Variants in PRXL2A observed in about 807,000 individuals in gnomAD.
PRXL2A encodes the protein peroxiredoxin like 2A, also known as peroxiredoxin-like 2A.
PRXL2A carries 26 observed loss-of-function variants against 25.6 expected under a neutral mutation model. That is an observed-to-expected ratio of 1.02 (90% CI 0.74 to 1.41). PRXL2A has a LOEUF of 1.41. Among genes scored for constraint, PRXL2A ranks in the 40% most tolerant of loss-of-function variants. The probability of loss-of-function intolerance (pLI) is 0.00; values close to 1 mark genes in which losing one functional copy is unlikely to be tolerated. For missense variants in PRXL2A, 246 were observed against 273.9 expected (o/e 0.90, Z 0.72); for synonymous variants, 98 against 102.9 (o/e 0.95, Z 0.29).
intron 3 of PRXL2A, among the ~76,000 whole-genome samples, chr10:80,424,405 CAAAAAAAAAAAAAA>C (rs33941883): frequency 4.0e-5 from 3 of 75,076 alleles, no homozygotes; most frequent in East Asian, 8.9e-4. Context: ...CCTGTCTCTA[CAAAAAAAAAAAAAA>C]AAAAAAAAAA....
chr10:80,420,778 A>G (rs949359100), intron 2 of PRXL2A, 133 bp downstream of exon 2: 45 of 645,190 alleles, frequency 7.0e-5, no homozygotes, highest in Non-Finnish European at 9.6e-5. Flanking sequence ...TTTAATAACA[A>G]TTTTTAAACT....
At chr10:80,408,422 G>A (rs1269907513), upstream of PRXL2A, 1 of 152,210 alleles carries the variant, frequency 6.6e-6, no homozygotes, top group African/African-American at 2.4e-5. Flanking sequence ...GGAGCTAGGA[G>A]ACCGCGGCCC....
chr10:80,429,546 C>G (rs978015027), intron 5 of PRXL2A, among the ~76,000 whole-genome samples: 2 of 143,096 alleles, frequency 1.4e-5, no homozygotes, highest in African/African-American at 5.2e-5. Flanking sequence ...CCCTGCCCCG[C>G]CCCGCCCCTA....
intron 5 of PRXL2A, 23 bp downstream of exon 5, chr10:80,427,519 T>C: frequency 6.2e-7 from 1 of 1,613,346 alleles, no homozygotes; most frequent in South Asian, 1.1e-5. Flanking sequence ...TGTTTACTTG[T>C]GGTCTGTAGG....
At chr10:80,421,985 A>G (rs1187245322) in intron 2 of PRXL2A, among the ~76,000 whole-genome samples, 1 of 152,184 alleles carries the variant, frequency 6.6e-6, no homozygotes, top group Non-Finnish European at 1.5e-5. Flanking sequence ...GGCATCTTCT[A>G]TCCTCTCCTT....
rs1845378980 is a variant in PRXL2A, at chr10:80,435,464, G to A, written c.*3365G>A. 2 of 151,980 alleles carry A rather than the reference G, an allele frequency of 1.3e-5. No individual in the cohort carries two copies. Among genetic ancestry groups the A allele is most frequent in the Admixed American group, 6.6e-5 (1 of 15,252 alleles). 9.4% of individuals were successfully genotyped at this position (151,980 alleles called of 1,614,324 possible). On this transcript the variant is annotated 3_prime_UTR_variant, in exon 6 of 6. Transcript: ENST00000606162. ...CAAGATTCCAGTGGGCAGTCTGGGT[G>A]GGCCTGAGTTTCTGCTTTTTTTTTT...
At chr10:80,413,891 C>A in intron 1 of PRXL2A, 1 of 1,238,082 alleles carries the variant, frequency 8.1e-7, no homozygotes, top group Non-Finnish European at 1.0e-6. Context: ...GTGCCTTGTT[C>A]CCAAGTTTGA....
chr10:80,415,032 T>C (rs1000332835), intron 1 of PRXL2A, among the ~76,000 whole-genome samples: 9 of 152,038 alleles, frequency 5.9e-5, no homozygotes, highest in Non-Finnish European at 1.3e-4. Flanking sequence ...AGGATGGGAG[T>C]TGCTTTGTAG....
At chr10:80,414,691 C>T (rs1405854156) in intron 1 of PRXL2A, among the ~76,000 whole-genome samples, 1 of 152,178 alleles carries the variant, frequency 6.6e-6, no homozygotes, top group African/African-American at 2.4e-5. Context: ...AGTACTGCTG[C>T]CTGCTGGCTC....
chr10:80,422,408 C>T lies in PRXL2A; in HGVS notation c.179-9C>T, dbSNP rs1375187471. On this transcript the variant is annotated splice_polypyrimidine_tract_variant and intron_variant, in intron 2 of 5. Coordinates refer to ENST00000606162, the MANE Select transcript of PRXL2A (RefSeq NM_032333.5). Reference sequence around the variant, plus strand: ...AGGAGATATCGAATTTCTTTTTTTCCTCTCTTAGAACCAAGGACTTTCAAA... The same window carrying T: ...AGGAGATATCGAATTTCTTTTTTTCTTCTCTTAGAACCAAGGACTTTCAAA... 1.2e-6 allele frequency: 2 copies of T among 1,611,178 alleles called. No individual in the cohort carries two copies. Among genetic ancestry groups the T allele is most frequent in the South Asian group, 1.1e-5 (1 of 90,990 alleles).
chr10:80,430,152 G>A (rs887470584), intron 5 of PRXL2A, among the ~76,000 whole-genome samples: 1 of 141,772 alleles, frequency 7.1e-6, no homozygotes, highest in Non-Finnish European at 1.5e-5. Context: ...CCAGGCTGGA[G>A]TGCAATGGCA....
In PRXL2A at chr10:80,427,400, C is replaced by A; in HGVS notation, c.480C>A (p.Tyr160Ter). 1 of 1,614,094 alleles carries A rather than the reference C, an allele frequency of 6.2e-7. No homozygotes were observed. The highest frequency in any genetic ancestry group is 8.5e-7 in the Non-Finnish European group (1 of 1,180,002). The change falls in exon 5 of 6, where the codon TAC becomes TAA. Residue 160 changes from tyrosine (Y) to a stop codon, truncating the protein, a stop_gained. Transcript: ENST00000606162. LOFTEE classifies it high-confidence loss of function. The part of the protein sequence containing the change: ...FMGFIRLGVW[Y>*]NFFRAWNGGF... ...GATTTATCCGTCTGGGAGTGTGGTA[C>A]AACTTCTTCCGAGCCTGGAACGGAG...
At chr10:80,424,927 A>ACT (rs1415199803) in intron 3 of PRXL2A, among the ~76,000 whole-genome samples, 6 of 152,192 alleles carry the variant, frequency 3.9e-5, no homozygotes, top group Non-Finnish European at 5.9e-5. Flanking sequence ...TATATCAAAC[A>ACT]CTGTAGTCCT....
At chr10:80,410,780 C>T (rs1350840704) in intron 1 of PRXL2A, among the ~76,000 whole-genome samples, 5 of 152,198 alleles carry the variant, frequency 3.3e-5, no homozygotes, top group Non-Finnish European at 5.9e-5. Flanking sequence ...TATCCACACC[C>T]ATATAACTTG....
At chr10:80,429,239 G>A (rs935649108) in intron 5 of PRXL2A, among the ~76,000 whole-genome samples, 3 of 152,082 alleles carry the variant, frequency 2.0e-5, no homozygotes, top group East Asian at 1.9e-4. Flanking sequence ...AGCATAAAAT[G>A]GTGTCTGATT....
chr10:80,427,521 G>A (rs1845090544), intron 5 of PRXL2A, 25 bp downstream of exon 5: 4 of 1,611,634 alleles, frequency 2.5e-6, no homozygotes, highest in East Asian at 4.5e-5. Context: ...TTTACTTGTG[G>A]TCTGTAGGTG....
intron 4 of PRXL2A, among the ~76,000 whole-genome samples, chr10:80,426,859 A>G (rs1287129945): frequency 6.6e-6 from 1 of 152,012 alleles, no homozygotes; most frequent in Admixed American, 6.6e-5. Flanking sequence ...GTGGACCTGG[A>G]TTGGCTGGGC....
chr10:80,420,629 G>A lies in PRXL2A; in HGVS notation c.162G>A (p.Leu54=), dbSNP rs1436183570. Residue 54 remains leucine (L), a synonymous_variant, in exon 2 of 6, where the codon CTG becomes CTA. Transcript: ENST00000606162. Reference sequence around the variant, plus strand: ...TGGAGTACCTGGAGGATATAGACCTGAAAACACTGGAGAAGGGTAAGTGGT... The same window carrying A: ...TGGAGTACCTGGAGGATATAGACCTAAAAACACTGGAGAAGGGTAAGTGGT... ...AALEYLEDID[L]KTLEKEPRTF... 1.2e-6 allele frequency: 2 copies of A among 1,608,262 alleles called. No homozygotes were observed. Among genetic ancestry groups the A allele is most frequent in the South Asian group, 2.2e-5 (2 of 89,986 alleles).
Position 80,426,090 on chromosome 10 carries a change from G to A in PRXL2A, c.411+84G>A, listed in dbSNP as rs890933823. On this transcript the variant is annotated intron_variant, in intron 4 of 5. Transcript: ENST00000606162. ...ATAGTCAGGTGGCCCAGGTATGTCT[G>A]GCCTGGAGCTGGAGGCTGGCCTTCC... The A allele has an allele frequency of 9.0e-5, 140 of 1,558,722 alleles. No homozygotes were observed. In the Admixed American group the frequency reaches 1.1e-3, roughly 13 times the overall value.
Sources: allele counts gnomAD v4.1 joint callset (sites outside exome capture counted in the v4.1 genomes callset), GRCh38; gene constraint gnomAD v4.1.1; transcripts MANE v1.5; gene names NCBI Gene and HGNC (gene_info 2026-07-23, HGNC 2026-07-21).